Variants in RGS5 observed in about 807,000 individuals in gnomAD.
RGS5 encodes regulator of G-protein signalling 5.
In RGS5, 20 loss-of-function variants were observed where a neutral mutation model predicts 18.9. The observed-to-expected ratio is 1.06, with a 90% CI of 0.74 to 1.54. RGS5 has a LOEUF of 1.54. RGS5 is among the 40% of genes most tolerant of loss of function. RGS5 has a pLI of 0.00. For missense variants in RGS5, 201 were observed against 211.8 expected, an observed-to-expected ratio of 0.95 and a Z score of 0.32; for synonymous variants, 57 against 76.2, an observed-to-expected ratio of 0.75 and a Z score of 1.31.
At chr1:163,271,410 G>A (rs759988426) in intron 2 of RGS5, among the ~76,000 whole-genome samples, 4 of 151,970 alleles carry the variant, frequency 2.6e-5, no homozygotes, top group Non-Finnish European at 5.9e-5. Context: ...AAAGAGACTC[G>A]GGCTCGCTGT....
intron 2 of RGS5, among the ~76,000 whole-genome samples, chr1:163,223,414 C>T (rs1385098724): frequency 6.6e-6 from 1 of 152,152 alleles, no homozygotes; most frequent in African/African-American, 2.4e-5. Flanking sequence ...TGCTGCTCCT[C>T]CCACTAATGT....
chr1:163,151,154 C>T (rs953699714), intron 4 of RGS5, among the ~76,000 whole-genome samples: 1 of 152,168 alleles, frequency 6.6e-6, no homozygotes, highest in Non-Finnish European at 1.5e-5. Flanking sequence ...AGATCAACTT[C>T]CCCAAAGTTT....
At chr1:163,220,341 G>T (rs957228197), upstream of RGS5, among the ~76,000 whole-genome samples, 2 of 151,474 alleles carry the variant, frequency 1.3e-5, no homozygotes, top group Admixed American at 1.3e-4. Context: ...TCTCAATATC[G>T]ATATAACACT....
chr1:163,149,112 G>A (rs1657270732), intron 4 of RGS5, among the ~76,000 whole-genome samples: 1 of 152,224 alleles, frequency 6.6e-6, no homozygotes, highest in Admixed American at 6.5e-5. Context: ...TTCCAGAGGT[G>A]AAAGGGGTCA....
At chr1:163,210,136 T>A (rs533778067) in intron 1 of RGS5, among the ~76,000 whole-genome samples, 3 of 151,660 alleles carry the variant, frequency 2.0e-5, no homozygotes, top group Non-Finnish European at 4.4e-5. Context: ...ACTACAGATA[T>A]GCACCACCAC....
intron 1 of RGS5, among the ~76,000 whole-genome samples, chr1:163,175,732 G>C (rs192764678): frequency 6.6e-6 from 1 of 152,178 alleles, no homozygotes; most frequent in African/African-American, 2.4e-5. Flanking sequence ...TTTAGTAATA[G>C]TGTGATATCA....
chr1:163,255,496 G>C (rs1200355693), intron 2 of RGS5, among the ~76,000 whole-genome samples: 3 of 151,802 alleles, frequency 2.0e-5, no homozygotes, highest in Non-Finnish European at 4.4e-5. Context: ...AAGAGTCCAG[G>C]ACCAGATGGA....
chr1:163,184,926 A>G (rs1417395520), intron 1 of RGS5, among the ~76,000 whole-genome samples: 1 of 152,228 alleles, frequency 6.6e-6, no homozygotes, highest in East Asian at 1.9e-4. Flanking sequence ...TTATAGCAGC[A>G]AATACGAAAC....
upstream of RGS5, among the ~76,000 whole-genome samples, chr1:163,219,272 C>G (rs1330063344): frequency 2.6e-5 from 4 of 152,042 alleles, no homozygotes; most frequent in African/African-American, 9.7e-5. Flanking sequence ...GTCCTATTCC[C>G]GTAGTATGTT....
At chr1:163,309,639 C>T (rs569413692) in intron 1 of RGS5, among the ~76,000 whole-genome samples, 2 of 152,124 alleles carry the variant, frequency 1.3e-5, no homozygotes, top group African/African-American at 2.4e-5. Flanking sequence ...CAGGTGCTTC[C>T]TCCACTAAAG....
intron 2 of RGS5, among the ~76,000 whole-genome samples, chr1:163,163,050 G>T (rs894145323): frequency 1.4e-5 from 2 of 141,120 alleles, no homozygotes; most frequent in African/African-American, 5.2e-5. Context: ...GGGGGGGGGG[G>T]TGGTTAATTA....
chr1:163,253,014 G>T (rs955606178), intron 2 of RGS5, among the ~76,000 whole-genome samples: 1 of 152,198 alleles, frequency 6.6e-6, no homozygotes, highest in South Asian at 2.1e-4. Context: ...TGATGAAAGT[G>T]TTGCAGGATA....
At chr1:163,164,241 A>G (rs1225630202) in intron 2 of RGS5, among the ~76,000 whole-genome samples, 14 of 152,210 alleles carry the variant, frequency 9.2e-5, no homozygotes, top group Admixed American at 9.2e-4. Flanking sequence ...TGGAAACAAG[A>G]TAGATGCAGA....
chr1:163,262,925 G>C (rs1208052463), intron 2 of RGS5, among the ~76,000 whole-genome samples: 1 of 152,060 alleles, frequency 6.6e-6, no homozygotes, highest in Non-Finnish European at 1.5e-5. Flanking sequence ...GCATCTATTT[G>C]AGTAGTGGTA....
At chr1:163,280,508 A>G (rs2101718289) in intron 2 of RGS5, among the ~76,000 whole-genome samples, 1 of 152,280 alleles carries the variant, frequency 6.6e-6, no homozygotes, top group Non-Finnish European at 1.5e-5. Flanking sequence ...TCAAAAAAGG[A>G]ATCTCATTTG....
chr1:163,199,529 A>T (rs1478150986), intron 1 of RGS5, among the ~76,000 whole-genome samples: 1 of 152,050 alleles, frequency 6.6e-6, no homozygotes, highest in Non-Finnish European at 1.5e-5. Flanking sequence ...CATTATATAT[A>T]TTCCACCCTT....
chr1:163,196,598 T>A (rs943316455), intron 1 of RGS5, among the ~76,000 whole-genome samples: 1 of 152,102 alleles, frequency 6.6e-6, no homozygotes, highest in Non-Finnish European at 1.5e-5. Context: ...TAAAGAAGCT[T>A]CAACAGTAAC....
At chr1:163,157,537 C>T (rs1231111836) in intron 3 of RGS5, among the ~76,000 whole-genome samples, 1 of 152,146 alleles carries the variant, frequency 6.6e-6, no homozygotes, top group Admixed American at 6.6e-5. Flanking sequence ...TTCATTGCCA[C>T]TCAATAAAAA....
intron 2 of RGS5, among the ~76,000 whole-genome samples, chr1:163,234,954 A>G (rs1353214087): frequency 6.6e-6 from 1 of 152,208 alleles, no homozygotes; most frequent in Non-Finnish European, 1.5e-5. Context: ...AAGCTACAAG[A>G]TATCACTGTG....
Sources: gnomAD v4.1 joint callset for allele counts (sites outside exome capture counted in the v4.1 genomes callset) on GRCh38, gnomAD v4.1.1 for gene constraint, MANE v1.5 for transcripts, NCBI Gene and HGNC (gene_info 2026-07-23, HGNC 2026-07-21) for gene names.